Variants in CNTNAP2 observed in about 807,000 individuals in gnomAD.
The protein encoded by CNTNAP2 is contactin associated protein 2, also known as contactin-associated protein-like 2.
A neutral mutation model predicts 155.2 loss-of-function variants in CNTNAP2; 98 were observed. The ratio of observed to expected loss-of-function variants is 0.63; its 90% CI spans 0.54 to 0.75. CNTNAP2 has a LOEUF of 0.75. Ranked by LOEUF, CNTNAP2 falls within the 30% of genes least tolerant of loss-of-function variation. CNTNAP2 has a pLI of 0.00. For missense variants in CNTNAP2, 1,727 were observed against 1,688.1 expected, an observed-to-expected ratio of 1.02 and a Z score of -0.40; for synonymous variants, 651 against 631.2, an observed-to-expected ratio of 1.03 and a Z score of -0.47.
At chr7:148,003,597 A>C (rs927779273) in intron 15 of CNTNAP2, among the ~76,000 whole-genome samples, 1 of 152,194 alleles carries the variant, frequency 6.6e-6, no homozygotes, top group African/African-American at 2.4e-5. Flanking sequence ...AGACAAATTG[A>C]AAAGACATTC....
chr7:148,180,082 G>A (rs904920193), intron 18 of CNTNAP2, among the ~76,000 whole-genome samples: 1 of 152,194 alleles, frequency 6.6e-6, no homozygotes, highest in African/African-American at 2.4e-5. Context: ...AATGTTGGAA[G>A]TATGCATCTT....
intron 13 of CNTNAP2, among the ~76,000 whole-genome samples, chr7:147,704,004 A>G (rs1299102864): frequency 6.6e-6 from 1 of 152,158 alleles, no homozygotes; most frequent in Non-Finnish European, 1.5e-5. Flanking sequence ...TAATAACTCC[A>G]GTTCCATCCA....
In CNTNAP2 at chr7:147,557,885, T is replaced by G. The variant is rs181572367; in HGVS notation, c.1778-4253T>G. Among the ~76,000 whole-genome samples, 313 of 152,262 alleles carry G rather than the reference T, an allele frequency of 2.1e-3. 1 individual carries two copies. The highest frequency in any genetic ancestry group is 7.0e-3 in the African/African-American group (290 of 41,544). On this transcript the variant is annotated intron_variant, in intron 11 of 23. Transcript: ENST00000361727. ...TTTGCACCAACTTAATACCTCAATT[T>G]TACAGTTGAAAAAACCACGTTAGGG...
At chr7:148,261,873 G>T (rs1384571925) in intron 20 of CNTNAP2, among the ~76,000 whole-genome samples, 1 of 152,216 alleles carries the variant, frequency 6.6e-6, no homozygotes, top group Non-Finnish European at 1.5e-5. Context: ...CCCTCCTCGA[G>T]CCTGTGCTGG....
chr7:146,663,277 CAAA>C (rs543257224), intron 1 of CNTNAP2, among the ~76,000 whole-genome samples: 1 of 33,240 alleles, frequency 3.0e-5, no homozygotes, highest in African/African-American at 7.6e-5. Flanking sequence ...AACTCCATCT[CAAA>C]AAAAAAAAAA....
chr7:146,537,019 GTTAAAATTA>G (rs1797879668), intron 1 of CNTNAP2, among the ~76,000 whole-genome samples: 1 of 152,006 alleles, frequency 6.6e-6, no homozygotes, highest in South Asian at 2.1e-4. Flanking sequence ...TATTTGAACG[GTTAAAATTA>G]TTACCACAAG....
At chr7:146,785,626 G>A (rs982302145) in intron 2 of CNTNAP2, among the ~76,000 whole-genome samples, 1 of 152,168 alleles carries the variant, frequency 6.6e-6, no homozygotes, top group African/African-American at 2.4e-5. Context: ...TTTGGTCACT[G>A]TCGTAGCCAA....
intron 15 of CNTNAP2, among the ~76,000 whole-genome samples, chr7:148,011,776 T>C (rs988698290): frequency 6.6e-6 from 1 of 152,348 alleles, no homozygotes; most frequent in East Asian, 1.9e-4. Flanking sequence ...GGCAGGCCTG[T>C]GGTTATGAAC....
At chr7:146,731,314 G>A (rs1042474820) in intron 1 of CNTNAP2, among the ~76,000 whole-genome samples, 2 of 151,982 alleles carry the variant, frequency 1.3e-5, no homozygotes, top group African/African-American at 4.8e-5. Flanking sequence ...AGAGTTGCTA[G>A]GCTATGAAAC....
chr7:147,814,992 G>C (rs977591058), intron 13 of CNTNAP2, among the ~76,000 whole-genome samples: 1 of 152,256 alleles, frequency 6.6e-6, no homozygotes, highest in African/African-American at 2.4e-5. Context: ...CTACGTTTTA[G>C]GGACAAGGTT....
At chr7:146,308,162 G>T (rs1438702357) in intron 1 of CNTNAP2, among the ~76,000 whole-genome samples, 1 of 152,182 alleles carries the variant, frequency 6.6e-6, no homozygotes, top group Non-Finnish European at 1.5e-5. Context: ...CAAAAAGTGG[G>T]CAAAGGATAT....
chr7:147,769,136 A>G (rs954480720), intron 13 of CNTNAP2, among the ~76,000 whole-genome samples: 2 of 152,208 alleles, frequency 1.3e-5, no homozygotes, highest in Non-Finnish European at 2.9e-5. Flanking sequence ...GAAAGATTTT[A>G]TATGATTCAG....
chr7:148,109,351 G>GTGTTTTGTTTTGTTTTGTTTTGTTT (rs71188946), intron 15 of CNTNAP2, among the ~76,000 whole-genome samples: 7 of 146,986 alleles, frequency 4.8e-5, no homozygotes, highest in Non-Finnish European at 9.0e-5. Context: ...AAGAAGAGAG[G>GTGTTTTGTTTTGTTTTGTTTTGTTT]TGTTTTGTTT....
At chr7:147,366,395 T>G (rs1451915135) in intron 9 of CNTNAP2, among the ~76,000 whole-genome samples, 1 of 152,088 alleles carries the variant, frequency 6.6e-6, no homozygotes, top group African/African-American at 2.4e-5. Context: ...AGACTGTAAT[T>G]TTTTTCATAA....
intron 21 of CNTNAP2, among the ~76,000 whole-genome samples, chr7:148,371,154 A>G (rs1798880137): frequency 6.6e-6 from 1 of 152,252 alleles, no homozygotes; most frequent in Non-Finnish European, 1.5e-5. Context: ...TAAATCCCAA[A>G]TAATTAACAA....
chr7:146,189,576 A>T (rs994324949), intron 1 of CNTNAP2, among the ~76,000 whole-genome samples: 2 of 152,226 alleles, frequency 1.3e-5, no homozygotes, highest in Non-Finnish European at 2.9e-5. Flanking sequence ...ATATGCACAA[A>T]GCAGTTTAAA....
chr7:146,701,189 G>A (rs978237826), intron 1 of CNTNAP2, among the ~76,000 whole-genome samples: 17 of 152,156 alleles, frequency 1.1e-4, no homozygotes, highest in Non-Finnish European at 2.5e-4. Flanking sequence ...GCACAAGGCC[G>A]ATGTTCTGCT....
chr7:147,167,651 G>T (rs1802141060), intron 8 of CNTNAP2: 1 of 457,394 alleles, frequency 2.2e-6, no homozygotes, highest in East Asian at 4.2e-5. Context: ...GCGGAGCAGG[G>T]TATGGGCCAC....
intron 14 of CNTNAP2, among the ~76,000 whole-genome samples, chr7:147,916,383 A>G (rs569313028): frequency 1.3e-5 from 2 of 152,284 alleles, no homozygotes; most frequent in South Asian, 2.1e-4. Context: ...GCAGAGTGTC[A>G]ATACGGTTTG....
Sources: allele counts gnomAD v4.1 joint callset (sites outside exome capture counted in the v4.1 genomes callset), GRCh38; gene constraint gnomAD v4.1.1; transcripts MANE v1.5; gene names NCBI Gene and HGNC (gene_info 2026-07-23, HGNC 2026-07-21).